PPP1R9A: variants seen among roughly 807,000 people sequenced by gnomAD.
The protein encoded by PPP1R9A is protein phosphatase 1 regulatory subunit 9A.
A neutral mutation model predicts 141.9 loss-of-function variants in PPP1R9A; 59 were observed. The ratio of observed to expected loss-of-function variants is 0.42; its 90% confidence interval spans 0.34 to 0.52. PPP1R9A has a LOEUF of 0.52. PPP1R9A is among the 20% of genes least tolerant of loss of function. PPP1R9A has a pLI of 0.10. For synonymous variants in PPP1R9A, 500 were observed against 569.7 expected (o/e 0.88, Z 1.74); for missense variants, 1,444 against 1,611.9 (o/e 0.90, Z 1.78).
intron 2 of PPP1R9A, among the ~76,000 whole-genome samples, chr7:94,958,707 C>T (rs921653999): frequency 1.3e-5 from 2 of 151,974 alleles, no homozygotes; most frequent in African/African-American, 4.8e-5. Context: ...TATTCGCTCT[C>T]TTGTTACATT....
intron 5 of PPP1R9A, among the ~76,000 whole-genome samples, chr7:95,162,247 G>GT (rs1439090562): frequency 6.6e-6 from 1 of 152,016 alleles, no homozygotes; most frequent in Non-Finnish European, 1.5e-5. Context: ...ATAATTTCTA[G>GT]TTAAAACCTC....
At chr7:95,006,772 G>T (rs1250566855) in intron 2 of PPP1R9A, among the ~76,000 whole-genome samples, 1 of 152,022 alleles carries the variant, frequency 6.6e-6, no homozygotes, top group East Asian at 1.9e-4. Context: ...GTGAGACAGG[G>T]TTTATTTGCT....
At chr7:95,263,726 T>C (rs1401107367) in intron 12 of PPP1R9A, among the ~76,000 whole-genome samples, 17 of 152,178 alleles carry the variant, frequency 1.1e-4, no homozygotes, top group Admixed American at 9.2e-4. Flanking sequence ...CTTTCCAGTT[T>C]TTCTATGCAA....
At chr7:95,106,533 T>C (rs980936018) in intron 2 of PPP1R9A, among the ~76,000 whole-genome samples, 17 of 152,196 alleles carry the variant, frequency 1.1e-4, no homozygotes, top group Non-Finnish European at 7.3e-5. Flanking sequence ...ATTACATATT[T>C]GTATATATCA....
At chr7:95,074,824 G>T (rs1814597235) in intron 2 of PPP1R9A, among the ~76,000 whole-genome samples, 2 of 151,928 alleles carry the variant, frequency 1.3e-5, no homozygotes, top group African/African-American at 4.8e-5. Context: ...TTGTCCTTCA[G>T]GTTTGTGAGA....
At chr7:95,170,427 T>C (rs1297986358) in intron 5 of PPP1R9A, among the ~76,000 whole-genome samples, 6 of 151,460 alleles carry the variant, frequency 4.0e-5, no homozygotes, top group Non-Finnish European at 5.9e-5. Flanking sequence ...GAAAACTACA[T>C]GAAGAGACAT....
intron 7 of PPP1R9A, among the ~76,000 whole-genome samples, chr7:95,212,586 C>T (rs1025695129): frequency 2.0e-5 from 3 of 152,062 alleles, no homozygotes; most frequent in Non-Finnish European, 4.4e-5. Flanking sequence ...AAAATGGTTC[C>T]TGATTTTAGG....
chr7:95,172,293 A>G (rs889644258), intron 5 of PPP1R9A, among the ~76,000 whole-genome samples: 1 of 151,714 alleles, frequency 6.6e-6, no homozygotes, highest in Non-Finnish European at 1.5e-5. Flanking sequence ...CCATAGAATG[A>G]AAAGGAGGAA....
intron 5 of PPP1R9A, among the ~76,000 whole-genome samples, chr7:95,172,068 C>T (rs1388643559): frequency 6.6e-6 from 1 of 151,520 alleles, no homozygotes; most frequent in East Asian, 1.9e-4. Flanking sequence ...TTTAAAAAAG[C>T]TCTCAGGAAA....
At chr7:95,030,209 T>G (rs1218003966) in intron 2 of PPP1R9A, among the ~76,000 whole-genome samples, 2 of 152,214 alleles carry the variant, frequency 1.3e-5, no homozygotes, top group Non-Finnish European at 2.9e-5. Context: ...TGTGAAATAG[T>G]GTTAATAACA....
At chr7:95,259,060 T>A (rs927366123) in intron 12 of PPP1R9A, among the ~76,000 whole-genome samples, 2 of 152,182 alleles carry the variant, frequency 1.3e-5, no homozygotes, top group Admixed American at 6.5e-5. Flanking sequence ...TTCAACATAA[T>A]GTTAAACAAA....
At chr7:95,176,972 G>A (rs1484778597) in intron 5 of PPP1R9A, among the ~76,000 whole-genome samples, 1 of 152,098 alleles carries the variant, frequency 6.6e-6, no homozygotes, top group African/African-American at 2.4e-5. Context: ...AAACTTCCCA[G>A]GCCTTGCTAG....
intron 6 of PPP1R9A, among the ~76,000 whole-genome samples, chr7:95,199,242 A>G (rs2152860653): frequency 6.6e-6 from 1 of 152,320 alleles, no homozygotes; most frequent in Non-Finnish European, 1.5e-5. Flanking sequence ...TTTATTATAA[A>G]CACGTTTAAA....
chr7:95,146,347 G>C lies in PPP1R9A; in HGVS notation c.1650-15520G>C, dbSNP rs189317785. On this transcript the variant is annotated intron_variant, in intron 4 of 19. Coordinates refer to ENST00000433360, the MANE Select transcript of PPP1R9A (RefSeq NM_001166160.2). ...CCTTTGCCCACTTTTTGATGGGGTT[G>C]TTTGTTTTTTTCTTGTAAATTTAAG... Among the ~76,000 whole-genome samples, 37 of 152,228 alleles carry C rather than the reference G, an allele frequency of 2.4e-4. 1 individual carries two copies. The highest frequency in any genetic ancestry group is 2.2e-3 in the Admixed American group (33 of 15,294).
At chr7:95,254,771 G>A (rs1351476537) in intron 12 of PPP1R9A, among the ~76,000 whole-genome samples, 3 of 152,178 alleles carry the variant, frequency 2.0e-5, no homozygotes, top group Non-Finnish European at 4.4e-5. Flanking sequence ...GTGTACTCAT[G>A]CTCTTCCAAA....
At chr7:95,135,325 T>C (rs1825450366) in intron 4 of PPP1R9A, among the ~76,000 whole-genome samples, 1 of 152,244 alleles carries the variant, frequency 6.6e-6, no homozygotes, top group South Asian at 2.1e-4. Context: ...GCTAAATTAC[T>C]AACTGGATTA....
At chr7:95,002,655 A>G (rs1378342837) in intron 2 of PPP1R9A, among the ~76,000 whole-genome samples, 2 of 152,196 alleles carry the variant, frequency 1.3e-5, no homozygotes, top group Non-Finnish European at 2.9e-5. Flanking sequence ...CAGGAAAGAA[A>G]AGTGAAAGAG....
intron 4 of PPP1R9A, among the ~76,000 whole-genome samples, chr7:95,141,798 T>C (rs778429316): frequency 2.0e-5 from 3 of 152,332 alleles, no homozygotes; most frequent in Non-Finnish European, 4.4e-5. Flanking sequence ...TTGGGTTGTT[T>C]TCACTTTTGG....
rs372678720 is a variant in PPP1R9A at position 95,030,221 on chromosome 7, A to G, written c.1396-81038A>G. On this transcript the variant is annotated intron_variant, in intron 2 of 19. Transcript: ENST00000433360. ...ATCTGTGAAATAGTGTTAATAACAT[A>G]TATCACAGTGTAGCTGGTCAGATCC... 4.9e-4 allele frequency among the ~76,000 whole-genome samples: 75 copies of G among 152,330 alleles called. 2 individuals carry two copies. In the South Asian group the frequency reaches 0.013, roughly 27 times the overall value.
Sources: allele counts gnomAD v4.1 joint callset (sites outside exome capture counted in the v4.1 genomes callset), GRCh38; gene constraint gnomAD v4.1.1; transcripts MANE v1.5; gene names NCBI Gene and HGNC (gene_info 2026-07-23, HGNC 2026-07-21).